The following SMG6 variants were observed in gnomAD, a reference collection of about 807,000 sequenced individuals.
SMG6 encodes the protein SMG6 nonsense mediated mRNA decay factor.
SMG6 carries 66 observed loss-of-function variants against 142.2 expected under a neutral mutation model. The ratio of observed to expected loss-of-function variants is 0.46; its 90% confidence interval spans 0.38 to 0.57. The LOEUF (loss-of-function observed/expected upper bound fraction) is 0.57. Among genes scored for constraint, SMG6 ranks in the 20% least tolerant of loss-of-function variants. SMG6 has a pLI of 0.00. For missense variants in SMG6, 1,793 were observed against 1,832.0 expected (o/e 0.98, Z 0.39); for synonymous variants, 779 against 702.4 (o/e 1.11, Z -1.72).
At chr17:2,138,288 G>C (rs1443149061) in intron 13 of SMG6, among the ~76,000 whole-genome samples, 1 of 152,082 alleles carries the variant, frequency 6.6e-6, no homozygotes, top group East Asian at 1.9e-4. Flanking sequence ...ATGAGAACTG[G>C]ATACTCAAAC....
At chr17:2,244,901 C>T (rs552978786) in intron 8 of SMG6, 182 bp from the exon 9 acceptor site, 8 of 595,546 alleles carry the variant, frequency 1.3e-5, no homozygotes, top group African/African-American at 9.2e-5. Context: ...AGCTGCCGCT[C>T]AGCTGAGCCA....
At chr17:2,271,540 C>T (rs1166520314) in intron 8 of SMG6, among the ~76,000 whole-genome samples, 3 of 151,720 alleles carry the variant, frequency 2.0e-5, no homozygotes, top group Admixed American at 1.3e-4. Context: ...ACGGTGAAAC[C>T]CCGTCTCTCC....
chr17:2,070,388 G>T (rs1472814893), intron 15 of SMG6, among the ~76,000 whole-genome samples: 1 of 152,182 alleles, frequency 6.6e-6, no homozygotes, highest in South Asian at 2.1e-4. Flanking sequence ...GCGGGGCCAG[G>T]AGGGCAGGTC....
intron 10 of SMG6, among the ~76,000 whole-genome samples, chr17:2,220,253 ATG>A (rs1482981274): frequency 1.3e-5 from 2 of 152,198 alleles, no homozygotes; most frequent in African/African-American, 2.4e-5. Context: ...ATGTACAGAG[ATG>A]TTAATTACAG....
intron 13 of SMG6, among the ~76,000 whole-genome samples, chr17:2,105,211 G>C (rs1229974932): frequency 6.6e-6 from 1 of 150,478 alleles, no homozygotes; most frequent in Non-Finnish European, 1.5e-5. Flanking sequence ...ACAGGCGTGA[G>C]CCACTGCACT....
At chr17:2,211,101 T>TTAA (rs375204812) in intron 10 of SMG6, among the ~76,000 whole-genome samples, 2 of 141,160 alleles carry the variant, frequency 1.4e-5, no homozygotes, top group Admixed American at 1.4e-4. Flanking sequence ...TGGATTTTAT[T>TTAA]AAAAAAAAAA....
chr17:2,268,341 T>C (rs936741059), intron 8 of SMG6, among the ~76,000 whole-genome samples: 1 of 152,198 alleles, frequency 6.6e-6, no homozygotes, highest in Admixed American at 6.5e-5. Context: ...TATAAAACCA[T>C]GCTCTGATCT....
Position 2,094,381 on chromosome 17 carries a change from G to A in SMG6, c.3358-8480C>T, listed in dbSNP as rs191320597. Among the ~76,000 whole-genome samples, 187 of 152,300 alleles carry A rather than the reference G, an allele frequency of 1.2e-3. 2 individuals are homozygous for A. Among genetic ancestry groups the A allele is most frequent in the African/African-American group, 4.3e-3 (177 of 41,560 alleles). On this transcript the variant is annotated intron_variant, in intron 13 of 18. Transcript: ENST00000263073. ...TTCTTCCTAAGTAGCTGGGGCTACA[G>A]GCACGTGCCACCACACCCAGCTAAG... is the stretch of plus-strand genomic sequence containing the variant.
intron 12 of SMG6, among the ~76,000 whole-genome samples, chr17:2,180,672 G>A (rs2071778095): frequency 6.6e-6 from 1 of 152,238 alleles, no homozygotes; most frequent in South Asian, 2.1e-4. Context: ...CTCAGAGAGG[G>A]GAAGATGCTG....
rs372078939 is a variant in SMG6 at position 2,066,245 on chromosome 17, C to CGT, written c.3836-568_3836-567dup. On this transcript the variant is annotated intron_variant, in intron 16 of 18. Transcript: ENST00000263073. ...CACATCTACCTTCTCTGATACTGCA[C>CGT]GTGTGTGTGTGCGCGCACGTGTATG... Among the ~76,000 whole-genome samples the CGT allele has an allele frequency of 2.0e-3, 300 of 152,062 alleles. 2 individuals carry two copies. Among genetic ancestry groups the CGT allele is most frequent in the Non-Finnish European group, 2.9e-3 (196 of 67,990 alleles).
intron 13 of SMG6, chr17:2,088,463 G>A (rs2068625791): frequency 2.0e-6 from 2 of 985,290 alleles, no homozygotes; most frequent in Non-Finnish European, 2.4e-6. Context: ...AAGGAAATTG[G>A]TTTCCTTGGG....
chr17:2,255,684 T>C (rs12452620), intron 8 of SMG6: 45,968 of 175,922 alleles, frequency 0.26, 7,622 homozygotes, highest in Admixed American at 0.36. Context: ...CTGGGAGGTG[T>C]ACCCAACAGC....
At position 2,060,595 on chromosome 17, in the gene SMG6, A is replaced by T. The variant is rs2067745047; in HGVS notation, c.*897T>A. 1 of 152,304 alleles carries T rather than the reference A, an allele frequency of 6.6e-6. No individual in the cohort carries two copies. The highest frequency in any genetic ancestry group is 1.5e-5 in the Non-Finnish European group (1 of 68,086). The allele number at this position is 152,304 out of a possible 1,614,324, so 9.4% of individuals were successfully genotyped here. Reference sequence around the variant, plus strand: ...AGGGAGGTGAAAAGGATCAACTAGAAGGGGAAGAAGGGTGAGGGGCTATTC... The same window carrying T: ...AGGGAGGTGAAAAGGATCAACTAGATGGGGAAGAAGGGTGAGGGGCTATTC... On this transcript the variant is annotated 3_prime_UTR_variant, in exon 19 of 19. Coordinates refer to ENST00000263073, the MANE Select transcript of SMG6 (RefSeq NM_017575.5).
intron 8 of SMG6, among the ~76,000 whole-genome samples, chr17:2,251,030 AT>A (rs1373533278): frequency 3.9e-5 from 6 of 152,196 alleles, no homozygotes; most frequent in Admixed American, 2.0e-4. Context: ...CCCACTGGCC[AT>A]TTATGCTCCC....
Position 2,236,636 on chromosome 17 carries a change from T to C in SMG6, c.2725A>G (p.Met909Val). The change falls in exon 10 of 19, where the codon ATG (methionine) becomes GTG (valine). Residue 909 changes from methionine (M) to valine (V), a missense_variant and splice_region_variant. By Grantham distance (21) the Met-to-Val change is conservative (BLOSUM62 1). Transcript: ENST00000263073. ...TCAGCCACTGCAGGGAATGTCTCCATCCTGCAGATTCAGAAAACCCATCAA... is the reference window on the plus strand; with the variant it reads ...TCAGCCACTGCAGGGAATGTCTCCACCCTGCAGATTCAGAAAACCCATCAA... ...AHGKLFTRIG[M>V]ETFPAVAEKV... The C allele has an allele frequency of 1.9e-6, 3 of 1,609,714 alleles. No individual in the cohort carries two copies. Among genetic ancestry groups the C allele is most frequent in the Non-Finnish European group, 2.5e-6 (3 of 1,177,926 alleles).
chr17:2,087,406 C>T, intron 13 of SMG6: 1 of 1,185,498 alleles, frequency 8.4e-7, no homozygotes, highest in Non-Finnish European at 1.1e-6. Flanking sequence ...CTGCCACCTT[C>T]ACCAAAAAGC....
At chr17:2,276,051 T>A (rs190879754) in intron 8 of SMG6, among the ~76,000 whole-genome samples, 1 of 152,348 alleles carries the variant, frequency 6.6e-6, no homozygotes, top group East Asian at 1.9e-4. Flanking sequence ...CAGTCTGTAT[T>A]AGAAATTCTC....
rs2068096202 is a variant in SMG6 at position 2,071,409 on chromosome 17, C to T, written c.3682-2478G>A. Among the ~76,000 whole-genome samples, 1 of 152,216 alleles carries T rather than the reference C, an allele frequency of 6.6e-6. No individual in the cohort carries two copies. Among genetic ancestry groups the T allele is most frequent in the African/African-American group, 2.4e-5 (1 of 41,446 alleles). ...TGAGCCTACCTGTGTGTTCTGATGG[C>T]AGGACAGAAGAAAAATCTAGAAGCG... is the stretch of plus-strand genomic sequence containing the variant. On this transcript the variant is annotated intron_variant, in intron 15 of 18. Coordinates refer to ENST00000263073, the MANE Select transcript of SMG6 (RefSeq NM_017575.5). The surrounding 1 kb of genome is among the most constrained non-coding windows in gnomAD (Gnocchi z 5.6).
At chr17:2,283,910 A>G (rs2074847008) in intron 6 of SMG6, among the ~76,000 whole-genome samples, 175 bp from the exon 7 acceptor site, 1 of 152,152 alleles carries the variant, frequency 6.6e-6, no homozygotes, top group African/African-American at 2.4e-5. Context: ...ATTACATCAC[A>G]GATCTCTTCT....
Sources: gnomAD v4.1 joint callset for allele counts (sites outside exome capture counted in the v4.1 genomes callset) on GRCh38, gnomAD v4.1.1 for gene constraint, Gnocchi (gnomAD v3.1) non-coding constraint, MANE v1.5 for transcripts, NCBI Gene and HGNC (gene_info 2026-07-23, HGNC 2026-07-21) for gene names.